DMC1: variants seen among roughly 807,000 people sequenced by gnomAD.
The protein encoded by DMC1 is meiotic recombination protein DMC1 homolog.
Under a neutral mutation model 50.1 loss-of-function variants are expected in DMC1, and 27 were observed. That is an observed-to-expected ratio of 0.54 (90% CI 0.40 to 0.74). DMC1 has a LOEUF of 0.74. Ranked by LOEUF, DMC1 falls within the 30% of genes least tolerant of loss-of-function variation. The pLI, the probability that DMC1 is intolerant of heterozygous loss-of-function variation, is 0.00. For missense variants in DMC1, 295 were observed against 420.2 expected, an observed-to-expected ratio of 0.70 and a Z score of 2.60; for synonymous variants, 148 against 136.1, an observed-to-expected ratio of 1.09 and a Z score of -0.61.
intron 13 of DMC1, among the ~76,000 whole-genome samples, chr22:38,521,343 G>T (rs2090022041): frequency 6.6e-6 from 1 of 152,046 alleles, no homozygotes; most frequent in African/African-American, 2.4e-5. Flanking sequence ...CTAGTACCTA[G>T]TAACAGTAGG....
chr22:38,565,034 A>G (rs1247197920), intron 4 of DMC1, among the ~76,000 whole-genome samples: 1 of 152,180 alleles, frequency 6.6e-6, no homozygotes, highest in African/African-American at 2.4e-5. Flanking sequence ...TGGGAATGAG[A>G]CCCTCACATA....
the DMC1 span, among the ~76,000 whole-genome samples, chr22:38,509,992 TA>T: frequency 5.3e-5 from 8 of 152,104 alleles, no homozygotes; most frequent in African/African-American, 1.9e-4. Flanking sequence ...AATAATAATA[TA>T]AATAGGCCGG....
At chr22:38,537,375 G>A (rs986236191) in intron 12 of DMC1, among the ~76,000 whole-genome samples, 24 of 151,886 alleles carry the variant, frequency 1.6e-4, no homozygotes, top group African/African-American at 4.6e-4. Context: ...CACCACACCC[G>A]GCTAATCTCT....
chr22:38,542,675 G>A (rs2090297476), intron 8 of DMC1, among the ~76,000 whole-genome samples: 1 of 152,094 alleles, frequency 6.6e-6, no homozygotes, highest in African/African-American at 2.4e-5. Flanking sequence ...AAATACCAAT[G>A]ACATTCTTCA....
intron 5 of DMC1, among the ~76,000 whole-genome samples, chr22:38,558,657 G>A (rs1273396272): frequency 6.6e-6 from 1 of 151,992 alleles, no homozygotes; most frequent in Non-Finnish European, 1.5e-5. Context: ...GGAGGTTGCA[G>A]TGAGCCGAGA....
At chr22:38,562,158 A>C (rs568254248) in intron 5 of DMC1, 129 bp downstream of exon 5, 16 of 661,420 alleles carry the variant, frequency 2.4e-5, no homozygotes, top group African/African-American at 2.2e-4. Flanking sequence ...AGAAAAAAAA[A>C]CAAACAAACC....
intron 1 of DMC1, among the ~76,000 whole-genome samples, chr22:38,568,688 C>T (rs1349093913): frequency 6.6e-6 from 1 of 152,126 alleles, no homozygotes; most frequent in Admixed American, 6.5e-5. Flanking sequence ...CTCTAGGAAC[C>T]TTGACATTAT....
chr22:38,525,176 G>A (rs964165317), intron 12 of DMC1, among the ~76,000 whole-genome samples: 17 of 152,224 alleles, frequency 1.1e-4, no homozygotes, highest in Middle Eastern at 6.8e-3. Context: ...AAACTCCAGC[G>A]CCTGGAAAAG....
At chr22:38,540,712 A>T (rs1325691754) in intron 8 of DMC1, among the ~76,000 whole-genome samples, 1 of 152,214 alleles carries the variant, frequency 6.6e-6, no homozygotes, top group Non-Finnish European at 1.5e-5. Context: ...CTTTGGTGAC[A>T]GCCACAAAAA....
chr22:38,566,788 G>A (rs185288962), intron 3 of DMC1, 52 bp from the exon 4 acceptor site: 5 of 1,569,186 alleles, frequency 3.2e-6, no homozygotes, highest in Non-Finnish European at 8.8e-7. Context: ...AGCCTGCAAG[G>A]CTCCCATACT....
At chr22:38,522,667 A>G (rs2090042025) in intron 12 of DMC1, among the ~76,000 whole-genome samples, 2 of 152,238 alleles carry the variant, frequency 1.3e-5, no homozygotes, top group South Asian at 4.1e-4. Context: ...AAAATAAACT[A>G]TGATATAGAA....
At chr22:38,538,169 T>G in intron 11 of DMC1, 126 bp downstream of exon 11, 1 of 764,126 alleles carries the variant, frequency 1.3e-6, no homozygotes, top group Non-Finnish European at 2.2e-6. Flanking sequence ...AACAAAGAGT[T>G]GTATTCTCAT....
intron 12 of DMC1, among the ~76,000 whole-genome samples, chr22:38,530,850 G>A (rs904668742): frequency 2.6e-5 from 4 of 151,904 alleles, no homozygotes; most frequent in African/African-American, 7.3e-5. Flanking sequence ...TGGGCGGATC[G>A]CCCGAGGTCA....
In DMC1 at chr22:38,540,855, A is replaced by C. The variant is rs565559225; in HGVS notation, c.495-1443T>G. On this transcript the variant is annotated intron_variant, in intron 8 of 13. Coordinates refer to ENST00000216024, the MANE Select transcript of DMC1 (RefSeq NM_007068.4). Reference sequence around the variant, plus strand: ...CCCAGATACTATGTTGTGGCAGGCCAGGTCTTACTAATGCAGGCCTCCATA... The same window carrying C: ...CCCAGATACTATGTTGTGGCAGGCCCGGTCTTACTAATGCAGGCCTCCATA... Among the ~76,000 whole-genome samples, 4 of 152,306 alleles carry C rather than the reference A, an allele frequency of 2.6e-5. No individual in the cohort carries two copies. In the South Asian group the frequency reaches 6.2e-4, roughly 24 times the overall value.
chr22:38,522,840 C>G (rs773987638), intron 12 of DMC1, among the ~76,000 whole-genome samples: 1 of 152,034 alleles, frequency 6.6e-6, no homozygotes, highest in Non-Finnish European at 1.5e-5. Context: ...GTAGGTTGGT[C>G]GGGATAAGAA....
chr22:38,551,808 C>T lies in DMC1; in HGVS notation c.421+858G>A, dbSNP rs916536564. ...TTGCCCAAGGTCACACAGCTACTAA[C>T]GATAGAACCAGGATTGAAGTCCGGC... is the stretch of plus-strand genomic sequence containing the variant. On this transcript the variant is annotated intron_variant, in intron 7 of 13. Coordinates refer to ENST00000216024, the MANE Select transcript of DMC1 (RefSeq NM_007068.4). Among the ~76,000 whole-genome samples the T allele has an allele frequency of 9.9e-5, 15 of 150,836 alleles. 1 individual carries two copies. Among genetic ancestry groups the T allele is most frequent in the Admixed American group, 6.6e-4 (10 of 15,112 alleles).
At chr22:38,512,574 C>G in the DMC1 span, among the ~76,000 whole-genome samples, 2 of 152,142 alleles carry the variant, frequency 1.3e-5, no homozygotes, top group Non-Finnish European at 2.9e-5. Flanking sequence ...AACAACTTCC[C>G]TCTCAAAATA....
In DMC1 at chr22:38,519,520, C is replaced by T. The variant is rs900049135; in HGVS notation, c.*500G>A. Reference sequence around the variant, plus strand: ...GTGTGTGTGTCCTATAAACATTCCTCCCTTAAATCCTCTTGTGGAAAAACA... The same window carrying T: ...GTGTGTGTGTCCTATAAACATTCCTTCCTTAAATCCTCTTGTGGAAAAACA... On this transcript the variant is annotated 3_prime_UTR_variant, in exon 14 of 14. Transcript: ENST00000216024. 6.2e-5 allele frequency: 10 copies of T among 162,464 alleles called. No homozygotes were observed. Among genetic ancestry groups the T allele is most frequent in the African/African-American group, 2.2e-4 (9 of 41,510 alleles). 10.1% of individuals were successfully genotyped at this position (162,464 alleles called of 1,614,324 possible).
At chr22:38,535,656 G>T (rs1177410207) in intron 12 of DMC1, among the ~76,000 whole-genome samples, 1 of 150,772 alleles carries the variant, frequency 6.6e-6, no homozygotes, top group Non-Finnish European at 1.5e-5. Context: ...CACCCAGGCT[G>T]GAGTGCAGTG....
Sources: allele counts gnomAD v4.1 joint callset (sites outside exome capture counted in the v4.1 genomes callset), GRCh38; gene constraint gnomAD v4.1.1; transcripts MANE v1.5; gene names NCBI Gene and HGNC (gene_info 2026-07-23, HGNC 2026-07-21).